Variants in RASGRF1 observed in about 807,000 individuals in gnomAD.
The protein encoded by RASGRF1 is ras-specific guanine nucleotide-releasing factor 1.
A neutral mutation model predicts 138.7 loss-of-function variants in RASGRF1; 40 were observed. The observed-to-expected ratio is 0.29, with a 90% CI of 0.22 to 0.38. The LOEUF is 0.38. Ranked by LOEUF, RASGRF1 falls within the 10% of genes least tolerant of loss-of-function variation. The pLI is 1.00. For missense variants in RASGRF1, 1,108 were observed against 1,650.4 expected (o/e 0.67, Z 5.69); for synonymous variants, 614 against 663.2 (o/e 0.93, Z 1.14).
At chr15:79,028,596 G>C (rs1346828756) in intron 8 of RASGRF1, among the ~76,000 whole-genome samples, 2 of 152,106 alleles carry the variant, frequency 1.3e-5, no homozygotes, top group Non-Finnish European at 2.9e-5. Context: ...GAAAAGGTGG[G>C]TGTTAGCTGC....
At chr15:78,979,250 C>T (rs1174699591) in intron 24 of RASGRF1, 2 of 1,184,632 alleles carry the variant, frequency 1.7e-6, no homozygotes, top group African/African-American at 1.6e-5. Flanking sequence ...CGATGGCACA[C>T]AGAGCTGGCA....
intron 1 of RASGRF1, among the ~76,000 whole-genome samples, chr15:79,077,908 T>A (rs1428782741): frequency 1.7e-4 from 1 of 5,874 alleles, no homozygotes; most frequent in African/African-American, 7.7e-4. Context: ...AGAGAAGGGG[T>A]GGGTGGGGTG....
At chr15:79,017,228 AG>A (rs1441566747) in intron 12 of RASGRF1, among the ~76,000 whole-genome samples, 2 of 152,258 alleles carry the variant, frequency 1.3e-5, no homozygotes, top group Admixed American at 1.3e-4. Flanking sequence ...TGCTTACAGC[AG>A]GCCAAAGCAA....
At chr15:78,966,089 G>T (rs2141586532) in intron 26 of RASGRF1, among the ~76,000 whole-genome samples, 1 of 152,246 alleles carries the variant, frequency 6.6e-6, no homozygotes, top group East Asian at 1.9e-4. Flanking sequence ...ACCCCCAGTG[G>T]CTTAGGCCTG....
chr15:78,970,642 A>AG (rs2055738338), intron 26 of RASGRF1, among the ~76,000 whole-genome samples: 1 of 149,974 alleles, frequency 6.7e-6, no homozygotes, highest in Non-Finnish European at 1.5e-5. Flanking sequence ...AAAAAAAAAA[A>AG]AAAGAAAAAG....
Position 79,025,484 on chromosome 15 carries a change from G to A in RASGRF1, c.1382-10C>T, listed in dbSNP as rs957078935. 1 of 1,610,280 alleles carries A rather than the reference G, an allele frequency of 6.2e-7. No individual in the cohort carries two copies. Among genetic ancestry groups the A allele is most frequent in the Non-Finnish European group, 8.5e-7 (1 of 1,178,012 alleles). ...ACCTGAATGAGGGAACCTGTGGGTGGAGGAGAGAGACCCTGAGCCCATCTC... is the reference window on the plus strand; with the variant it reads ...ACCTGAATGAGGGAACCTGTGGGTGAAGGAGAGAGACCCTGAGCCCATCTC... On this transcript the variant is annotated splice_polypyrimidine_tract_variant and intron_variant, in intron 9 of 26. Transcript: ENST00000558480.
chr15:78,989,128 G>A (rs1595874926), intron 22 of RASGRF1, among the ~76,000 whole-genome samples: 1 of 152,198 alleles, frequency 6.6e-6, no homozygotes, highest in Non-Finnish European at 1.5e-5. Context: ...TGTGAATTGT[G>A]CCTCAGAAGG....
chr15:78,998,296 A>G, intron 18 of RASGRF1, 88 bp from the exon 19 acceptor site: 2 of 1,135,364 alleles, frequency 1.8e-6, no homozygotes, highest in East Asian at 2.3e-5. Context: ...AAGGAGCTCC[A>G]GTTTCTATTC....
rs568204912 is a variant in RASGRF1 at position 79,059,187 on chromosome 15, C to T, written c.384-706G>A. 2.1e-5 allele frequency among the ~76,000 whole-genome samples: 3 copies of T among 145,906 alleles called. No individual in the cohort carries two copies. In the East Asian group the frequency reaches 6.1e-4, roughly 30 times the overall value. ...CCCTTCCCTTCCCTATCCTTCCCTT[C>T]CCTTTCCTTCCCTATCTTTCCCTTC... On this transcript the variant is annotated intron_variant, in intron 2 of 26. Coordinates refer to ENST00000558480, the MANE Select transcript of RASGRF1 (RefSeq NM_001145648.3).
chr15:78,975,602 C>T (rs1176759225), intron 24 of RASGRF1, among the ~76,000 whole-genome samples: 2 of 151,516 alleles, frequency 1.3e-5, no homozygotes, highest in Non-Finnish European at 2.9e-5. Flanking sequence ...GCCTTGACTT[C>T]TCAGGCTCCA....
Position 79,015,333 on chromosome 15 carries a change from A to G in RASGRF1, c.1820T>C (p.Met607Thr). The G allele has an allele frequency of 6.2e-7, 1 of 1,613,024 alleles. No homozygotes were observed. The highest frequency in any genetic ancestry group is 1.1e-5 in the South Asian group (1 of 91,050). Residue 607 changes from methionine (M) to threonine (T), a missense_variant, in exon 13 of 27, where the codon ATG becomes ACG. Met to Thr is a moderately conservative substitution (Grantham distance 81). This residue lies in a region of RASGRF1 where 686 missense variants were observed against 976.7 expected (regional missense o/e 0.70). Coordinates refer to ENST00000558480, the MANE Select transcript of RASGRF1 (RefSeq NM_001145648.3). ...EENSKVTVPQ[M>T]IKSDASLYCD... is the part of the protein sequence containing the mutation. Reference sequence around the variant, plus strand: ...TGGGGTTAAGGGCACTTACTTGATCATCTGCGGCACAGTGACCTTGGAATT... The same window carrying G: ...TGGGGTTAAGGGCACTTACTTGATCGTCTGCGGCACAGTGACCTTGGAATT...
chr15:79,072,626 T>C (rs898523821), intron 1 of RASGRF1, among the ~76,000 whole-genome samples: 18 of 152,160 alleles, frequency 1.2e-4, no homozygotes, highest in African/African-American at 3.6e-4. Context: ...TGACCCTGCA[T>C]AGCACCAGAG....
chr15:79,081,132 T>C (rs995124232), intron 1 of RASGRF1, among the ~76,000 whole-genome samples: 2 of 152,250 alleles, frequency 1.3e-5, no homozygotes, highest in African/African-American at 4.8e-5. Context: ...TTTCACGGGA[T>C]GAGAATTTGA....
At chr15:79,049,683 A>C in intron 3 of RASGRF1, 95 bp from the exon 4 acceptor site, 8 of 994,722 alleles carry the variant, frequency 8.0e-6, no homozygotes, top group Non-Finnish European at 1.2e-5. Flanking sequence ...GTGGCAGCCG[A>C]GTGCCCTGCC....
At chr15:79,048,156 G>A (rs574174837) in intron 4 of RASGRF1, among the ~76,000 whole-genome samples, 14 of 152,296 alleles carry the variant, frequency 9.2e-5, no homozygotes, top group Middle Eastern at 3.4e-3. Context: ...AGAGAACACC[G>A]GTCAGGGCGT....
At chr15:79,026,349 A>G (rs1249454567) in intron 9 of RASGRF1, among the ~76,000 whole-genome samples, 1 of 152,172 alleles carries the variant, frequency 6.6e-6, no homozygotes, top group Non-Finnish European at 1.5e-5. Flanking sequence ...CTTCCCTGTG[A>G]ATTCCTGCTT....
At chr15:78,980,729 C>A in intron 23 of RASGRF1, 30 bp from the exon 24 acceptor site, 2 of 1,526,520 alleles carry the variant, frequency 1.3e-6, no homozygotes, top group Non-Finnish European at 9.1e-7. Flanking sequence ...TTTACTAACA[C>A]ACAGCACACG....
At chr15:79,019,929 TC>T (rs1403619933) in intron 11 of RASGRF1, 111 bp downstream of exon 11, 20 of 1,356,174 alleles carry the variant, frequency 1.5e-5, no homozygotes, top group Non-Finnish European at 2.0e-5. Context: ...CCTCCGCACT[TC>T]AGCATCCTCC....
At chr15:79,010,496 G>C (rs996166765) in intron 13 of RASGRF1, among the ~76,000 whole-genome samples, 1 of 152,212 alleles carries the variant, frequency 6.6e-6, no homozygotes, top group African/African-American at 2.4e-5. Context: ...TGTCTGCCAG[G>C]GGCTCTGGAT....
Sources: gnomAD v4.1 joint callset for allele counts (sites outside exome capture counted in the v4.1 genomes callset) on GRCh38, gnomAD v4.1.1 for gene constraint, gnomAD v4.1.1 regional missense constraint, MANE v1.5 for transcripts, NCBI Gene and HGNC (gene_info 2026-07-23, HGNC 2026-07-21) for gene names.